Variants in SLAMF6 observed in about 807,000 individuals in gnomAD.
SLAMF6 encodes SLAM family member 6.
A neutral mutation model predicts 38.3 loss-of-function variants in SLAMF6; 21 were observed. The observed-to-expected ratio is 0.55, with a 90% CI of 0.39 to 0.79. The LOEUF is 0.79. Among genes scored for constraint, SLAMF6 ranks in the 30% least tolerant of loss-of-function variants. The pLI is 0.00. For missense variants in SLAMF6, 341 were observed against 385.3 expected, an observed-to-expected ratio of 0.89 and a Z score of 0.96; for synonymous variants, 152 against 146.3, an observed-to-expected ratio of 1.04 and a Z score of -0.28.
chr1:160,516,864 A>T (rs79554622), intron 1 of SLAMF6, among the ~76,000 whole-genome samples: 5,219 of 152,300 alleles, frequency 0.034, 344 homozygotes, highest in African/African-American at 0.12. Flanking sequence ...TTAACTCAAG[A>T]TAGATTAAAG....
At chr1:160,496,685 A>G (rs1571290692) in intron 1 of SLAMF6, among the ~76,000 whole-genome samples, 1 of 152,160 alleles carries the variant, frequency 6.6e-6, no homozygotes, top group Non-Finnish European at 1.5e-5. Flanking sequence ...TCATAACTAT[A>G]CTTTGTGATC....
chr1:160,492,729 G>A (rs1469596164), intron 2 of SLAMF6, among the ~76,000 whole-genome samples: 1 of 152,098 alleles, frequency 6.6e-6, no homozygotes, highest in African/African-American at 2.4e-5. Flanking sequence ...TTCTCAACCT[G>A]CAGTTTTACC....
At chr1:160,497,881 T>C (rs1653677560) in intron 1 of SLAMF6, among the ~76,000 whole-genome samples, 2 of 152,178 alleles carry the variant, frequency 1.3e-5, no homozygotes, top group Non-Finnish European at 2.9e-5. Flanking sequence ...CAATCCATCA[T>C]TGATTGGAAC....
Position 160,485,492 on chromosome 1 carries a change from A to G in SLAMF6, c.*1215T>C, listed in dbSNP as rs1652918457. 1 of 152,158 alleles carries G rather than the reference A, an allele frequency of 6.6e-6. No homozygotes were observed. Among genetic ancestry groups the G allele is most frequent in the African/African-American group, 2.4e-5 (1 of 41,428 alleles). The allele number at this position is 152,158 out of a possible 1,614,324, so 9.4% of individuals were successfully genotyped here. A position where few individuals can be genotyped will look rare whatever the true frequency, so the allele number is the denominator to read the frequency against. ...AAGATGTAAATAATTAACATAAAGA[A>G]CTTTTCCTTTAATAGAGGAGCTGAA... On this transcript the variant is annotated 3_prime_UTR_variant, in exon 8 of 8. Transcript: ENST00000368057.
intron 6 of SLAMF6, among the ~76,000 whole-genome samples, chr1:160,488,305 T>G (rs1653080230): frequency 6.6e-6 from 1 of 152,146 alleles, no homozygotes; most frequent in South Asian, 2.1e-4. Context: ...AGAGTACCCC[T>G]TCTTGCTTCC....
At chr1:160,487,065 A>T in intron 7 of SLAMF6, 39 bp downstream of exon 7, 1 of 1,497,774 alleles carries the variant, frequency 6.7e-7, no homozygotes, top group South Asian at 1.1e-5. Context: ...CTGTGGAGAG[A>T]GGTAAGAATA....
chr1:160,511,560 C>T (rs1478751957), intron 1 of SLAMF6, among the ~76,000 whole-genome samples: 2 of 152,094 alleles, frequency 1.3e-5, no homozygotes, highest in Non-Finnish European at 2.9e-5. Context: ...TCATTATATG[C>T]AAAAATTATC....
chr1:160,505,380 G>A (rs1654128657), intron 1 of SLAMF6, among the ~76,000 whole-genome samples: 1 of 152,156 alleles, frequency 6.6e-6, no homozygotes, highest in African/African-American at 2.4e-5. Flanking sequence ...ACAGATACTG[G>A]ATTTGCTAGA....
At chr1:160,495,364 A>G (rs1176966435) in intron 2 of SLAMF6, among the ~76,000 whole-genome samples, 2 of 152,348 alleles carry the variant, frequency 1.3e-5, no homozygotes, top group Non-Finnish European at 2.9e-5. Context: ...TTGACTCATA[A>G]GAAATCTCAT....
intron 6 of SLAMF6, among the ~76,000 whole-genome samples, chr1:160,488,709 ATAGGAAACT>A (rs2102013368): frequency 6.6e-6 from 1 of 152,312 alleles, no homozygotes; most frequent in Non-Finnish European, 1.5e-5. Context: ...AACTACGTCC[ATAGGAAACT>A]TTCAAACTTA....
At chr1:160,489,018 T>C in intron 6 of SLAMF6, 70 bp downstream of exon 6, 3 of 1,392,494 alleles carry the variant, frequency 2.2e-6, no homozygotes, top group South Asian at 2.3e-5. Flanking sequence ...GTCAGATGGT[T>C]ATGGTGACAA....
chr1:160,496,558 A>G (rs191461726), intron 1 of SLAMF6, among the ~76,000 whole-genome samples, 165 bp from the exon 2 acceptor site: 50 of 152,280 alleles, frequency 3.3e-4, no homozygotes, highest in Non-Finnish European at 5.9e-5. Flanking sequence ...ATGAATAATC[A>G]CAGTCCCAGA....
rs535162761 is a variant in SLAMF6, at chr1:160,490,296, CT to C, written c.758-61del. On this transcript the variant is annotated intron_variant, in intron 4 of 7. Transcript: ENST00000368057. ...CAGCAGTGGGAGAGGCATTTCACCCCTAACCCCGTGAGTGTTGGGATGTGGT... is the reference window on the plus strand; with the variant it reads ...CAGCAGTGGGAGAGGCATTTCACCCCAACCCCGTGAGTGTTGGGATGTGGT... 1.6e-4 allele frequency: 264 copies of C among 1,610,606 alleles called. 2 individuals carry two copies. In the South Asian group the frequency reaches 2.8e-3, roughly 17 times the overall value.
chr1:160,494,476 T>C (rs577301199), intron 2 of SLAMF6, among the ~76,000 whole-genome samples: 1 of 152,232 alleles, frequency 6.6e-6, no homozygotes, highest in African/African-American at 2.4e-5. Flanking sequence ...GTGGGTTGAA[T>C]AATGACCTCA....
chr1:160,491,201 T>C lies in SLAMF6; in HGVS notation c.570A>G (p.Glu190=), dbSNP rs1386503114. 5.0e-6 allele frequency: 8 copies of C among 1,613,972 alleles called. No homozygotes were observed. The highest frequency in any genetic ancestry group is 6.8e-6 in the Non-Finnish European group (8 of 1,179,996). The stretch of plus-strand genomic sequence containing the variant: ...TCTCTGCTATGCAGGTGTAGTCCTG[T>C]TCACTGGAAATCCTGGGGTCCCAGG... ...TVSWDPRISS[E]QDYTCIAENA... The change falls in exon 3 of 8, where the codon GAA becomes GAG. Residue 190 remains glutamate, a synonymous_variant. Coordinates refer to ENST00000368057, the MANE Select transcript of SLAMF6 (RefSeq NM_001184714.2).
At chr1:160,499,184 T>C (rs76829360) in intron 1 of SLAMF6, among the ~76,000 whole-genome samples, 4,465 of 152,292 alleles carry the variant, frequency 0.029, 195 homozygotes, top group African/African-American at 0.1. Flanking sequence ...AGGATTTTTA[T>C]AGCTTGAGGT....
intron 1 of SLAMF6, among the ~76,000 whole-genome samples, chr1:160,507,308 A>G (rs1654238953): frequency 6.6e-6 from 1 of 152,160 alleles, no homozygotes; most frequent in Non-Finnish European, 1.5e-5. Flanking sequence ...GACATTATAC[A>G]TTAATAAAAG....
chr1:160,513,966 G>T (rs1301967037), intron 1 of SLAMF6, among the ~76,000 whole-genome samples: 2 of 152,146 alleles, frequency 1.3e-5, no homozygotes, highest in Non-Finnish European at 2.9e-5. Flanking sequence ...CAATAAGTCT[G>T]CAAAATAACT....
rs758193673 is a variant in SLAMF6 at position 160,486,362 on chromosome 1, G to T, written c.*345C>A. ...AGTCAATCCTGCTGCTTTCTAAAAGGAGAGAAGTGGTTGTCTTCTGGATCA... is the reference window on the plus strand; with the variant it reads ...AGTCAATCCTGCTGCTTTCTAAAAGTAGAGAAGTGGTTGTCTTCTGGATCA... On this transcript the variant is annotated 3_prime_UTR_variant, in exon 8 of 8. Transcript: ENST00000368057. 4 of 252,122 alleles carry T rather than the reference G, an allele frequency of 1.6e-5. No homozygotes were observed. The highest frequency in any genetic ancestry group is 2.3e-5 in the Non-Finnish European group (3 of 129,042). The allele number at this position is 252,122 out of a possible 1,614,324, so 15.6% of individuals were successfully genotyped here. A position where few individuals can be genotyped will look rare whatever the true frequency, so the allele number is the denominator to read the frequency against.
Sources: gnomAD v4.1 joint callset for allele counts (sites outside exome capture counted in the v4.1 genomes callset) on GRCh38, gnomAD v4.1.1 for gene constraint, MANE v1.5 for transcripts, NCBI Gene and HGNC (gene_info 2026-07-23, HGNC 2026-07-21) for gene names.